Variants in PIK3CB observed in about 807,000 individuals in gnomAD.
The protein encoded by PIK3CB is phosphatidylinositol-4,5-bisphosphate 3-kinase catalytic subunit beta, also known as phosphatidylinositol 4,5-bisphosphate 3-kinase catalytic subunit beta isoform.
A neutral mutation model predicts 136.8 loss-of-function variants in PIK3CB; 39 were observed. The ratio of observed to expected loss-of-function variants is 0.29; its 90% CI spans 0.22 to 0.37. The LOEUF is 0.37. Ranked by LOEUF, PIK3CB falls within the 10% of genes least tolerant of loss-of-function variation. PIK3CB has a pLI of 1.00. For missense variants in PIK3CB, 868 were observed against 1,275.4 expected, an observed-to-expected ratio of 0.68 and a Z score of 4.87; for synonymous variants, 428 against 436.6, an observed-to-expected ratio of 0.98 and a Z score of 0.25.
intron 2 of PIK3CB, among the ~76,000 whole-genome samples, chr3:138,772,625 T>G (rs1212014871): frequency 2.0e-5 from 3 of 149,666 alleles, no homozygotes; most frequent in Admixed American, 6.7e-5. Flanking sequence ...ACCCACATCA[T>G]TCTTTTGATT....
chr3:138,785,668 C>T lies in PIK3CB; in HGVS notation c.-17+10795G>A, dbSNP rs183261910. ...CTCCCTAATCTCAAGTACCCAGGGA[C>T]GCAAACGCTGCGGAAGGAAGCAGGC... On this transcript the variant is annotated intron_variant, in intron 2 of 23. Coordinates refer to ENST00000674063, the MANE Select transcript of PIK3CB (RefSeq NM_006219.3). Among the ~76,000 whole-genome samples the T allele has an allele frequency of 4.9e-4, 75 of 152,124 alleles. 1 individual carries two copies. The highest frequency in any genetic ancestry group is 1.7e-3 in the African/African-American group (72 of 41,520).
intron 2 of PIK3CB, among the ~76,000 whole-genome samples, chr3:138,762,788 T>A (rs1402851822): frequency 6.6e-6 from 1 of 151,754 alleles, no homozygotes; most frequent in Admixed American, 6.6e-5. Context: ...TGAAACCTTG[T>A]CTCTACTAAA....
intron 8 of PIK3CB, among the ~76,000 whole-genome samples, chr3:138,724,472 G>C (rs974686370): frequency 1.3e-5 from 2 of 152,076 alleles, no homozygotes; most frequent in African/African-American, 4.8e-5. Context: ...CCATTAAGTA[G>C]GTATGGTTAT....
intron 5 of PIK3CB, 122 bp downstream of exon 5, chr3:138,742,436 T>C (rs1182295854): frequency 5.1e-6 from 3 of 589,588 alleles, no homozygotes; most frequent in Non-Finnish European, 9.1e-6. Flanking sequence ...ATCTGAAATA[T>C]AAAATTGTTC....
At chr3:138,761,089 C>G (rs1281469557) in intron 2 of PIK3CB, among the ~76,000 whole-genome samples, 3 of 152,134 alleles carry the variant, frequency 2.0e-5, no homozygotes, top group Non-Finnish European at 4.4e-5. Flanking sequence ...ACTTTACAAT[C>G]GTCCGTGTCT....
Position 138,759,169 on chromosome 3 carries a change from A to G in PIK3CB, c.171+4T>C, listed in dbSNP as rs1208468788. On this transcript the variant is annotated splice_donor_region_variant and intron_variant, in intron 3 of 23. Transcript: ENST00000674063. ...ACACATAGAAATTATACCTATTAAC[A>G]TACCTGCTTAATATAAGAAATGGTA... is the stretch of plus-strand genomic sequence containing the variant. 6.3e-7 allele frequency: 1 copy of G among 1,588,254 alleles called. No individual in the cohort carries two copies. Among genetic ancestry groups the G allele is most frequent in the South Asian group, 1.1e-5 (1 of 89,554 alleles).
chr3:138,774,734 C>T (rs550634285), intron 2 of PIK3CB, among the ~76,000 whole-genome samples: 9 of 152,180 alleles, frequency 5.9e-5, no homozygotes, highest in Non-Finnish European at 1.2e-4. Flanking sequence ...TGAACCAGTG[C>T]CAGAAAGCCA....
chr3:138,733,226 A>G, intron 8 of PIK3CB, 135 bp downstream of exon 8: 1 of 428,686 alleles, frequency 2.3e-6, no homozygotes, highest in East Asian at 3.6e-5. Context: ...GTCTTATAAT[A>G]AATTACCATA....
At chr3:138,812,853 A>T (rs114626707) in intron 1 of PIK3CB, among the ~76,000 whole-genome samples, 47 of 152,268 alleles carry the variant, frequency 3.1e-4, no homozygotes, top group African/African-American at 1.1e-3. Context: ...TTGTAATGGA[A>T]CTATTGTGAC....
At chr3:138,830,117 G>C (rs1462576483) in intron 1 of PIK3CB, among the ~76,000 whole-genome samples, 1 of 152,156 alleles carries the variant, frequency 6.6e-6, no homozygotes, top group Non-Finnish European at 1.5e-5. Context: ...AACTCAACAA[G>C]AGAAGGAAAA....
intron 21 of PIK3CB, among the ~76,000 whole-genome samples, chr3:138,663,200 A>G (rs2043334493): frequency 6.6e-6 from 1 of 152,192 alleles, no homozygotes; most frequent in African/African-American, 2.4e-5. Context: ...AATGAACTCA[A>G]ACAAATTTAC....
chr3:138,792,262 TACAGAC>T (rs1333980344), intron 2 of PIK3CB, among the ~76,000 whole-genome samples: 1 of 152,210 alleles, frequency 6.6e-6, no homozygotes, highest in African/African-American at 2.4e-5. Flanking sequence ...ACTAAACATG[TACAGAC>T]TTTTTTCTAT....
intron 8 of PIK3CB, among the ~76,000 whole-genome samples, chr3:138,726,941 T>A (rs1041575312): frequency 6.6e-6 from 1 of 150,778 alleles, no homozygotes; most frequent in Non-Finnish European, 1.5e-5. Context: ...GTCCCAGATA[T>A]ACAGGAGTCT....
At chr3:138,791,062 ACCTC>A (rs2046042699) in intron 2 of PIK3CB, among the ~76,000 whole-genome samples, 2 of 151,440 alleles carry the variant, frequency 1.3e-5, no homozygotes, top group African/African-American at 2.4e-5. Flanking sequence ...AACGCTTCCT[ACCTC>A]CCTGTGGTGT....
chr3:138,800,360 C>CT (rs1367369619), intron 1 of PIK3CB, among the ~76,000 whole-genome samples: 1 of 150,110 alleles, frequency 6.7e-6, no homozygotes, highest in African/African-American at 2.5e-5. Context: ...TAAACAGAGT[C>CT]TTTGTCACCC....
rs527802578 is a variant in PIK3CB, at chr3:138,734,254, TA to T, written c.972+379del. On this transcript the variant is annotated intron_variant, in intron 7 of 23. Transcript: ENST00000674063. ...GAAGGCAGGCAAATTATACCAAAAATACTACCATAGTTAAGCTGATAGAAAT... is the reference window on the plus strand; with the variant it reads ...GAAGGCAGGCAAATTATACCAAAAATCTACCATAGTTAAGCTGATAGAAAT... Among the ~76,000 whole-genome samples the T allele has an allele frequency of 6.0e-4, 92 of 152,258 alleles. 1 individual carries two copies. The East Asian group carries it at 0.011, about 19-fold the overall frequency.
intron 21 of PIK3CB, 80 bp downstream of exon 21, chr3:138,663,826 G>T: frequency 1.4e-6 from 2 of 1,388,572 alleles, no homozygotes; most frequent in Non-Finnish European, 2.0e-6. Flanking sequence ...AAAGAATCTG[G>T]CTGAGTTGCA....
chr3:138,817,385 G>C (rs934790365), intron 1 of PIK3CB, among the ~76,000 whole-genome samples: 1 of 151,338 alleles, frequency 6.6e-6, no homozygotes, highest in Non-Finnish European at 1.5e-5. Context: ...GCCTGGTGGC[G>C]CATGCCTGTA....
rs78291318 is a variant in PIK3CB at position 138,778,207 on chromosome 3, C to T, written c.-17+18256G>A. ...CATCTCTGCCCCCTCTGCTGATGCC[C>T]CCATGTTTGTAATGGGCATGAACCA... On this transcript the variant is annotated intron_variant, in intron 2 of 23. Transcript: ENST00000674063. 2,936 of 458,378 alleles carry T rather than the reference C, an allele frequency of 6.4e-3. 49 individuals are homozygous for T. Among genetic ancestry groups the T allele is most frequent in the African/African-American group, 0.041 (2,080 of 50,130 alleles). The allele number at this position is 458,378 out of a possible 1,614,324, so 28.4% of individuals were successfully genotyped here.
Sources: allele counts gnomAD v4.1 joint callset (sites outside exome capture counted in the v4.1 genomes callset), GRCh38; gene constraint gnomAD v4.1.1; transcripts MANE v1.5; gene names NCBI Gene and HGNC (gene_info 2026-07-23, HGNC 2026-07-21).